The following NTM variants were observed in gnomAD, a reference collection of about 807,000 sequenced individuals.
NTM encodes the protein neurotrimin, also known as IgLON family member 2.
In NTM, 13 loss-of-function variants were observed where a neutral mutation model predicts 42.1. That is an observed-to-expected ratio of 0.31 (90% confidence interval 0.20 to 0.49). The LOEUF (loss-of-function observed/expected upper bound fraction) is 0.49. NTM is among the 20% of genes least tolerant of loss of function. The pLI is 0.99. For missense variants in NTM, 373 were observed against 452.8 expected, an observed-to-expected ratio of 0.82 and a Z score of 1.60; for synonymous variants, 187 against 179.2, an observed-to-expected ratio of 1.04 and a Z score of -0.35.
chr11:131,855,857 T>C (rs766563118), intron 1 of NTM, among the ~76,000 whole-genome samples: 1 of 152,160 alleles, frequency 6.6e-6, no homozygotes, highest in Non-Finnish European at 1.5e-5. Flanking sequence ...GTAAGGACTG[T>C]GCTGGATCAA....
intron 2 of NTM, among the ~76,000 whole-genome samples, chr11:132,017,123 T>C (rs2073556279): frequency 6.6e-6 from 1 of 151,988 alleles, no homozygotes; most frequent in East Asian, 1.9e-4. Context: ...GGGTTTTTTT[T>C]GAATCACAAA....
chr11:131,802,330 T>C (rs2092187404), intron 1 of NTM, among the ~76,000 whole-genome samples: 1 of 152,246 alleles, frequency 6.6e-6, no homozygotes, highest in Non-Finnish European at 1.5e-5. Flanking sequence ...TTCATTTTAC[T>C]TAGGGCCATT....
chr11:132,113,650 C>A (rs2063515976), intron 2 of NTM, among the ~76,000 whole-genome samples: 1 of 152,202 alleles, frequency 6.6e-6, no homozygotes, highest in Non-Finnish European at 1.5e-5. Flanking sequence ...CAGTGCCAGG[C>A]AGTTAACACA....
chr11:131,713,965 G>A (rs1219154887), intron 1 of NTM, among the ~76,000 whole-genome samples: 1 of 152,196 alleles, frequency 6.6e-6, no homozygotes, highest in Non-Finnish European at 1.5e-5. Flanking sequence ...CGCACGGGCA[G>A]TGGCCTGCCA....
At position 131,877,293 on chromosome 11, in the gene NTM, G is replaced by A. The variant is rs140057571; in HGVS notation, c.83-34271G>A. Among the ~76,000 whole-genome samples the A allele has an allele frequency of 3.2e-3, 485 of 152,306 alleles. 2 individuals carry two copies. The highest frequency in any genetic ancestry group is 0.01 in the Middle Eastern group (3 of 294). ...GGATCTGCATTGTTCAGTGCCACCT[G>A]CCAGGACCTATGGAGTCTCCCCACG... is the stretch of plus-strand genomic sequence containing the variant. On this transcript the variant is annotated intron_variant, in intron 1 of 8. Coordinates refer to ENST00000683400, the MANE Select transcript of NTM (RefSeq NM_001352005.2).
At chr11:132,235,538 C>T (rs974151589) in intron 4 of NTM, among the ~76,000 whole-genome samples, 2 of 152,162 alleles carry the variant, frequency 1.3e-5, no homozygotes, top group African/African-American at 2.4e-5. Context: ...AGTTCTATTT[C>T]TTTCCTACTT....
At chr11:131,970,892 C>T (rs1000315973) in intron 2 of NTM, among the ~76,000 whole-genome samples, 2 of 152,282 alleles carry the variant, frequency 1.3e-5, no homozygotes, top group Admixed American at 6.5e-5. Flanking sequence ...CACACCAAAG[C>T]GTTTCATAAA....
At chr11:131,581,138 G>A (rs943955789) in intron 1 of NTM, among the ~76,000 whole-genome samples, 2 of 152,188 alleles carry the variant, frequency 1.3e-5, no homozygotes, top group African/African-American at 2.4e-5. Context: ...CTTGGTCATG[G>A]CTTCTCCTTA....
intron 1 of NTM, among the ~76,000 whole-genome samples, chr11:131,792,705 C>T (rs147410042): frequency 3.9e-5 from 6 of 152,324 alleles, no homozygotes; most frequent in Admixed American, 3.3e-4. Flanking sequence ...CTTCACACTG[C>T]TCTTTCTGAA....
At chr11:131,521,810 A>C (rs2049772610) in intron 1 of NTM, among the ~76,000 whole-genome samples, 1 of 152,064 alleles carries the variant, frequency 6.6e-6, no homozygotes, top group East Asian at 1.9e-4. Context: ...CTGTGCATAT[A>C]TGAGTTGAAA....
chr11:131,602,384 C>G (rs1414936869), intron 1 of NTM, among the ~76,000 whole-genome samples: 1 of 152,180 alleles, frequency 6.6e-6, no homozygotes, highest in Non-Finnish European at 1.5e-5. Context: ...TATCTTACCA[C>G]TTATTAAATA....
intron 2 of NTM, among the ~76,000 whole-genome samples, chr11:131,964,437 G>A (rs1485684634): frequency 6.6e-6 from 1 of 152,082 alleles, no homozygotes. Context: ...ATAAGCCAGG[G>A]CATAGCCAAA....
intron 2 of NTM, among the ~76,000 whole-genome samples, chr11:131,974,102 C>T (rs2063960483): frequency 6.6e-6 from 1 of 152,124 alleles, no homozygotes. Context: ...TTTAATAATA[C>T]AGTATGTAAT....
chr11:132,129,162 T>G (rs1365025269), intron 2 of NTM, among the ~76,000 whole-genome samples: 1 of 152,088 alleles, frequency 6.6e-6, no homozygotes, highest in African/African-American at 2.4e-5. Context: ...CTATTGGTCA[T>G]ATATTCTAGA....
chr11:132,013,406 G>T (rs1274670887), intron 2 of NTM, among the ~76,000 whole-genome samples: 1 of 152,156 alleles, frequency 6.6e-6, no homozygotes, highest in African/African-American at 2.4e-5. Flanking sequence ...ACTGGAGTTG[G>T]TTGTGAAGGA....
At chr11:131,834,650 A>ATAT (rs1406461967) in intron 1 of NTM, among the ~76,000 whole-genome samples, 1 of 147,470 alleles carries the variant, frequency 6.8e-6, no homozygotes, top group African/African-American at 2.5e-5. Context: ...ATATATGTAT[A>ATAT]ATCTTCACAG....
chr11:132,269,983 C>T (rs1218920241), intron 4 of NTM, among the ~76,000 whole-genome samples: 4 of 152,108 alleles, frequency 2.6e-5, no homozygotes, highest in Admixed American at 6.5e-5. Flanking sequence ...AATATAAAAC[C>T]TCTCCATCGA....
At chr11:131,709,586 G>C (rs1367287920) in intron 1 of NTM, among the ~76,000 whole-genome samples, 1 of 152,206 alleles carries the variant, frequency 6.6e-6, no homozygotes, top group African/African-American at 2.4e-5. Flanking sequence ...TAACAGAGAT[G>C]AGGATAACCT....
intron 3 of NTM, among the ~76,000 whole-genome samples, chr11:132,199,812 A>T (rs1247344670): frequency 6.6e-6 from 1 of 150,890 alleles, no homozygotes; most frequent in Non-Finnish European, 1.5e-5. Context: ...TGTAGCCTTT[A>T]ATTAGTTTCT....
Sources: gnomAD v4.1 joint callset for allele counts (sites outside exome capture counted in the v4.1 genomes callset) on GRCh38, gnomAD v4.1.1 for gene constraint, MANE v1.5 for transcripts, NCBI Gene and HGNC (gene_info 2026-07-23, HGNC 2026-07-21) for gene names.